Variants in PALS2 observed in about 807,000 individuals in gnomAD.
The protein encoded by PALS2 is protein associated with LIN7 2, MAGUK p55 family member.
In PALS2, 27 loss-of-function variants were observed where a neutral mutation model predicts 61.6. That is an observed-to-expected ratio of 0.44 (90% CI 0.32 to 0.60). The LOEUF (loss-of-function observed/expected upper bound fraction) is 0.60. PALS2 is among the 20% of genes least tolerant of loss of function. The pLI is 0.05. For missense variants in PALS2, 554 were observed against 639.4 expected (o/e 0.87, Z 1.44); for synonymous variants, 236 against 218.6 (o/e 1.08, Z -0.70).
At chr7:24,621,022 T>C (rs1784481117) in intron 1 of PALS2, among the ~76,000 whole-genome samples, 1 of 152,188 alleles carries the variant, frequency 6.6e-6, no homozygotes, top group Admixed American at 6.5e-5. Flanking sequence ...GAAGTACTGC[T>C]AACCACATTT....
intron 5 of PALS2, among the ~76,000 whole-genome samples, chr7:24,663,087 G>A (rs928390778): frequency 2.0e-5 from 3 of 150,832 alleles, no homozygotes; most frequent in African/African-American, 7.4e-5. Flanking sequence ...AGAGCAAGAT[G>A]ATTAAAAAAG....
chr7:24,609,973 C>T (rs1784056359), intron 1 of PALS2, among the ~76,000 whole-genome samples: 1 of 152,070 alleles, frequency 6.6e-6, no homozygotes, highest in African/African-American at 2.4e-5. Flanking sequence ...ATCATAAATT[C>T]AGTGTTTTTA....
At chr7:24,629,614 A>G (rs1407655461) in intron 2 of PALS2, among the ~76,000 whole-genome samples, 2 of 151,108 alleles carry the variant, frequency 1.3e-5, no homozygotes, top group Admixed American at 1.3e-4. Flanking sequence ...CAGACTCTAC[A>G]AGGAACTTAA....
At chr7:24,646,783 G>A (rs1453776312) in intron 3 of PALS2, among the ~76,000 whole-genome samples, 39 of 152,126 alleles carry the variant, frequency 2.6e-4, no homozygotes, top group Admixed American at 2.6e-3. Context: ...TCAGGTCCCA[G>A]GCTTTTTTTG....
chr7:24,670,993 AT>A (rs1381708780), intron 9 of PALS2, among the ~76,000 whole-genome samples: 1 of 152,198 alleles, frequency 6.6e-6, no homozygotes, highest in East Asian at 1.9e-4. Context: ...CAGCATTTGT[AT>A]ACAGGTATTT....
At position 24,675,556 on chromosome 7, in the gene PALS2, A is replaced by C. The variant is rs1172512163; in HGVS notation, c.1115-3575A>C. On this transcript the variant is annotated intron_variant, in intron 9 of 11. Transcript: ENST00000222644. Reference sequence around the variant, plus strand: ...TCCCTCCCCCCTCCCCCCACCCCACAACAGTCCCCAGAGTGTGATGTTCCC... The same window carrying C: ...TCCCTCCCCCCTCCCCCCACCCCACCACAGTCCCCAGAGTGTGATGTTCCC... Among the ~76,000 whole-genome samples, 292 of 97,568 alleles carry C rather than the reference A, an allele frequency of 3.0e-3. 1 individual carries two copies. The highest frequency in any genetic ancestry group is 9.1e-3 in the Middle Eastern group (1 of 110). The allele number at this position is 97,568 out of a possible 152,430, so 64.0% of individuals were successfully genotyped here.
chr7:24,626,939 C>T lies in PALS2; in HGVS notation c.117+3155C>T, dbSNP rs146034607. ...AATAGTCGGAGATTTTAACACCCCA[C>T]CGTCAATATTAGACAGCTCAACAAG... On this transcript the variant is annotated intron_variant, in intron 2 of 11. Transcript: ENST00000222644. 1.6e-4 allele frequency among the ~76,000 whole-genome samples: 24 copies of T among 152,270 alleles called. No homozygotes were observed. The East Asian group carries it at 4.3e-3, about 27-fold the overall frequency.
chr7:24,592,290 G>A (rs750795716), intron 1 of PALS2, among the ~76,000 whole-genome samples: 27 of 152,082 alleles, frequency 1.8e-4, no homozygotes, highest in Non-Finnish European at 3.4e-4. Context: ...GGTCAGGGAA[G>A]GCTTCATTTG....
chr7:24,661,463 TG>T (rs1408774736), intron 5 of PALS2, among the ~76,000 whole-genome samples: 1 of 152,188 alleles, frequency 6.6e-6, no homozygotes, highest in Non-Finnish European at 1.5e-5. Context: ...TGGACTATCT[TG>T]TAAAGTCTGA....
chr7:24,675,086 T>A (rs890954966), intron 9 of PALS2, among the ~76,000 whole-genome samples: 4 of 152,190 alleles, frequency 2.6e-5, no homozygotes, highest in African/African-American at 9.6e-5. Context: ...CAACGTAGAT[T>A]GTTTTTTGAA....
intron 2 of PALS2, among the ~76,000 whole-genome samples, chr7:24,632,688 A>G (rs995271077): frequency 5.9e-5 from 9 of 152,204 alleles, no homozygotes; most frequent in Non-Finnish European, 1.0e-4. Flanking sequence ...CATCCAGCCA[A>G]CAGTCTCTTT....
intron 1 of PALS2, among the ~76,000 whole-genome samples, chr7:24,608,782 TA>T (rs1784015206): frequency 1.3e-5 from 2 of 152,130 alleles, no homozygotes; most frequent in Admixed American, 1.3e-4. Context: ...AATTTATTTA[TA>T]TTTTCTTTTT....
rs1028074649 is a variant in PALS2, at chr7:24,692,335, C to T, written c.*4721C>T. On this transcript the variant is annotated 3_prime_UTR_variant, in exon 12 of 12. Transcript: ENST00000222644. ...TTCTGACTTCTGACTGTGTGATCTT[C>T]GATGAAATTTATATTTCCCTTTATC... 4 of 152,112 alleles carry T rather than the reference C, an allele frequency of 2.6e-5. No homozygotes were observed. The highest frequency in any genetic ancestry group is 5.9e-5 in the Non-Finnish European group (4 of 67,990). The allele number at this position is 152,112 out of a possible 1,614,324, so 9.4% of individuals were successfully genotyped here. A position where few individuals can be genotyped will look rare whatever the true frequency, so the allele number is the denominator to read the frequency against.
intron 3 of PALS2, among the ~76,000 whole-genome samples, chr7:24,644,341 A>C (rs1477057410): frequency 6.6e-6 from 1 of 152,002 alleles, no homozygotes; most frequent in Non-Finnish European, 1.5e-5. Flanking sequence ...TCCCACTTAC[A>C]AGTGAGAACA....
chr7:24,677,606 CT>C (rs1787686670), intron 9 of PALS2, among the ~76,000 whole-genome samples: 1 of 151,960 alleles, frequency 6.6e-6, no homozygotes, highest in Non-Finnish European at 1.5e-5. Flanking sequence ...TGTCAAAGGC[CT>C]TTTCTGCATC....
intron 2 of PALS2, among the ~76,000 whole-genome samples, chr7:24,630,762 A>G (rs1176263275): frequency 6.6e-6 from 1 of 152,248 alleles, no homozygotes; most frequent in African/African-American, 2.4e-5. Context: ...CTTAAGAATT[A>G]TGCGAATTCT....
At chr7:24,590,251 A>G (rs1783232170) in intron 1 of PALS2, among the ~76,000 whole-genome samples, 1 of 152,144 alleles carries the variant, frequency 6.6e-6, no homozygotes, top group Non-Finnish European at 1.5e-5. Flanking sequence ...CTTTCCTGAT[A>G]GTCTTACTTT....
intron 5 of PALS2, among the ~76,000 whole-genome samples, chr7:24,656,532 T>C (rs920610056): frequency 6.6e-6 from 1 of 151,746 alleles, no homozygotes; most frequent in Non-Finnish European, 1.5e-5. Context: ...TTCTTTCTCT[T>C]TTTTTTTGAG....
At chr7:24,578,942 C>T (rs890321577) in intron 1 of PALS2, among the ~76,000 whole-genome samples, 12 of 152,020 alleles carry the variant, frequency 7.9e-5, no homozygotes, top group Non-Finnish European at 1.6e-4. Flanking sequence ...GCATGATTTG[C>T]AGTTTGATTG....
Sources: gnomAD v4.1 joint callset for allele counts (sites outside exome capture counted in the v4.1 genomes callset) on GRCh38, gnomAD v4.1.1 for gene constraint, MANE v1.5 for transcripts, NCBI Gene and HGNC (gene_info 2026-07-23, HGNC 2026-07-21) for gene names.